TAF1B: variants seen among roughly 807,000 people sequenced by gnomAD.
TAF1B encodes the protein TATA-box binding protein associated factor, RNA polymerase I subunit B.
A neutral mutation model predicts 83.9 loss-of-function variants in TAF1B; 61 were observed. The ratio of observed to expected loss-of-function variants is 0.73; its 90% CI spans 0.59 to 0.90. TAF1B has a LOEUF of 0.90. Among genes scored for constraint, TAF1B ranks in the 40% least tolerant of loss-of-function variants. The pLI, the probability that TAF1B is intolerant of heterozygous loss-of-function variation, is 0.00. For missense variants in TAF1B, 625 were observed against 677.0 expected, an observed-to-expected ratio of 0.92 and a Z score of 0.85; for synonymous variants, 221 against 224.6, an observed-to-expected ratio of 0.98 and a Z score of 0.14.
Position 9,872,553 on chromosome 2 carries a change from G to C in TAF1B, c.554-3312G>C, listed in dbSNP as rs1229726700. On this transcript the variant is annotated intron_variant, in intron 6 of 14. Coordinates refer to ENST00000263663, the MANE Select transcript of TAF1B (RefSeq NM_005680.3). ...CTGCTAAGCCAATAATCACCTATCT[G>C]TATGCTTTCTGACTTCTAAAATTTT... 3.3e-5 allele frequency among the ~76,000 whole-genome samples: 5 copies of C among 152,076 alleles called. No homozygotes were observed. The East Asian group carries it at 9.6e-4, about 29-fold the overall frequency.
intron 8 of TAF1B, among the ~76,000 whole-genome samples, chr2:9,884,283 T>G (rs1664602224): frequency 6.6e-6 from 1 of 152,238 alleles, no homozygotes; most frequent in Non-Finnish European, 1.5e-5. Flanking sequence ...GTCACAGCCC[T>G]GGCTCGAGGA....
intron 5 of TAF1B, among the ~76,000 whole-genome samples, chr2:9,864,232 T>C (rs1450925444): frequency 1.3e-5 from 2 of 150,138 alleles, no homozygotes; most frequent in Non-Finnish European, 3.0e-5. Flanking sequence ...GAGAGAAGAA[T>C]CAAATAGACG....
At chr2:9,876,050 T>C in intron 7 of TAF1B, 32 bp downstream of exon 7, 1 of 1,568,872 alleles carries the variant, frequency 6.4e-7, no homozygotes, top group Non-Finnish European at 8.7e-7. Flanking sequence ...ATAATATTTT[T>C]GCTGGTTACT....
intron 8 of TAF1B, 81 bp from the exon 9 acceptor site, chr2:9,904,778 G>T (rs1665289543): frequency 7.4e-7 from 1 of 1,351,752 alleles, no homozygotes; most frequent in Non-Finnish European, 1.0e-6. Flanking sequence ...TTTAATAATA[G>T]CCATTCTAAA....
chr2:9,877,455 G>T (rs2125152046), intron 7 of TAF1B, among the ~76,000 whole-genome samples: 1 of 152,178 alleles, frequency 6.6e-6, no homozygotes, highest in Admixed American at 6.5e-5. Flanking sequence ...TTGGTCAATT[G>T]TCCACTCAGT....
chr2:9,863,752 A>C, intron 5 of TAF1B, among the ~76,000 whole-genome samples: 1 of 152,266 alleles, frequency 6.6e-6, no homozygotes, highest in Admixed American at 6.5e-5. Context: ...ACTGTCTTTC[A>C]GACCACAGTG....
intron 8 of TAF1B, among the ~76,000 whole-genome samples, chr2:9,883,443 C>T (rs180788440): frequency 2.0e-5 from 3 of 152,252 alleles, no homozygotes; most frequent in East Asian, 1.9e-4. Context: ...ACATTGTTGG[C>T]GGTGTAAGAG....
At chr2:9,856,419 A>G (rs1023985220) in intron 5 of TAF1B, among the ~76,000 whole-genome samples, 2 of 152,190 alleles carry the variant, frequency 1.3e-5, no homozygotes, top group African/African-American at 2.4e-5. Flanking sequence ...ACTAGAAAAG[A>G]TAATATTTTA....
intron 7 of TAF1B, 66 bp downstream of exon 7, chr2:9,876,084 C>T (rs528721245): frequency 2.5e-5 from 36 of 1,445,344 alleles, no homozygotes; most frequent in South Asian, 7.9e-5. Context: ...AGACAAACTT[C>T]GGATATTTTG....
intron 7 of TAF1B, among the ~76,000 whole-genome samples, chr2:9,877,017 C>T (rs993040976): frequency 1.3e-4 from 20 of 152,098 alleles, no homozygotes; most frequent in African/African-American, 4.8e-4. Context: ...TGAATTTGGC[C>T]ACATCAACCA....
At chr2:9,902,845 A>G (rs1665223692) in intron 8 of TAF1B, among the ~76,000 whole-genome samples, 1 of 152,184 alleles carries the variant, frequency 6.6e-6, no homozygotes, top group Admixed American at 6.5e-5. Flanking sequence ...TTTTTGTATT[A>G]GGCTCAATTT....
chr2:9,881,765 A>G (rs1281313090), intron 7 of TAF1B, among the ~76,000 whole-genome samples: 1 of 152,190 alleles, frequency 6.6e-6, no homozygotes, highest in South Asian at 2.1e-4. Context: ...ATATTTGTCT[A>G]TTTATGTGTA....
intron 12 of TAF1B, among the ~76,000 whole-genome samples, chr2:9,915,927 A>G (rs1366194543): frequency 6.6e-6 from 1 of 152,222 alleles, no homozygotes; most frequent in African/African-American, 2.4e-5. Context: ...GCATCCAGCA[A>G]TATGAGTGAA....
At chr2:9,891,018 C>T (rs943470539) in intron 8 of TAF1B, among the ~76,000 whole-genome samples, 6 of 152,102 alleles carry the variant, frequency 3.9e-5, no homozygotes, top group Admixed American at 1.3e-4. Context: ...GTGATCCACC[C>T]GCCTCAGCCT....
chr2:9,854,428 C>G lies in TAF1B; in HGVS notation c.399+7C>G. 6.2e-7 allele frequency: 1 copy of G among 1,605,302 alleles called. No individual in the cohort carries two copies. The highest frequency in any genetic ancestry group is 8.5e-7 in the Non-Finnish European group (1 of 1,172,190). On this transcript the variant is annotated splice_region_variant and intron_variant, in intron 5 of 14. Transcript: ENST00000263663. ...CACTGGAAGGAAACCTACGGTAAGT[C>G]ACAAGTCTGAAAAGTTGGATTAAAA... is the stretch of plus-strand genomic sequence containing the variant.
chr2:9,884,360 G>A lies in TAF1B; in HGVS notation c.807+1555G>A, dbSNP rs575928425. 2.6e-5 allele frequency among the ~76,000 whole-genome samples: 4 copies of A among 152,318 alleles called. No individual in the cohort carries two copies. The East Asian group carries it at 5.8e-4, about 22-fold the overall frequency. ...TCCTTCTCTTTGCCCACAACATGGC[G>A]AGCAAGGGGCATGTTTCAGACCTGT... is the stretch of plus-strand genomic sequence containing the variant. On this transcript the variant is annotated intron_variant, in intron 8 of 14. Transcript: ENST00000263663.
intron 11 of TAF1B, 131 bp downstream of exon 11, chr2:9,911,688 G>C: frequency 1.9e-6 from 1 of 524,858 alleles, no homozygotes; most frequent in Non-Finnish European, 3.2e-6. Flanking sequence ...ATTGTATATT[G>C]TACCAGTATT....
chr2:9,884,953 T>C (rs975129160), intron 8 of TAF1B, among the ~76,000 whole-genome samples: 7 of 152,350 alleles, frequency 4.6e-5, no homozygotes, highest in Non-Finnish European at 1.0e-4. Context: ...TAATCTGAGA[T>C]AAAATGTTAT....
At chr2:9,916,437 G>A (rs1665682551) in intron 12 of TAF1B, among the ~76,000 whole-genome samples, 2 of 152,128 alleles carry the variant, frequency 1.3e-5, no homozygotes, top group Non-Finnish European at 2.9e-5. Context: ...CATTCTTGGG[G>A]CATATCACCC....
Sources: allele counts gnomAD v4.1 joint callset (sites outside exome capture counted in the v4.1 genomes callset), GRCh38; gene constraint gnomAD v4.1.1; transcripts MANE v1.5; gene names NCBI Gene and HGNC (gene_info 2026-07-23, HGNC 2026-07-21).